The following RARB variants were observed in gnomAD, a reference collection of about 807,000 sequenced individuals.
RARB encodes retinoic acid receptor beta.
A neutral mutation model predicts 51.9 loss-of-function variants in RARB; 17 were observed. The ratio of observed to expected loss-of-function variants is 0.33; its 90% CI spans 0.22 to 0.49. The LOEUF (loss-of-function observed/expected upper bound fraction) is 0.49. RARB is among the 20% of genes least tolerant of loss of function. RARB has a pLI of 0.99. For synonymous variants in RARB, 215 were observed against 195.4 expected (o/e 1.10, Z -0.84); for missense variants, 369 against 550.8 (o/e 0.67, Z 3.30).
intron 2 of RARB, among the ~76,000 whole-genome samples, chr3:24,948,535 G>T (rs1377591989): frequency 6.6e-6 from 1 of 152,130 alleles, no homozygotes; most frequent in African/African-American, 2.4e-5. Flanking sequence ...AATTGAAGAG[G>T]TAAAAATATT....
At chr3:25,253,531 G>T (rs981655620) in intron 5 of RARB, among the ~76,000 whole-genome samples, 2 of 152,088 alleles carry the variant, frequency 1.3e-5, no homozygotes, top group South Asian at 4.1e-4. Flanking sequence ...AGGGTCCCCA[G>T]ACATAATTTA....
chr3:24,974,526 G>T (rs1375787497), intron 2 of RARB, among the ~76,000 whole-genome samples: 1 of 151,788 alleles, frequency 6.6e-6, no homozygotes, highest in African/African-American at 2.4e-5. Context: ...ACTCAGCATA[G>T]GCCTCTGAAA....
chr3:25,389,505 G>A (rs768610436), intron 5 of RARB, among the ~76,000 whole-genome samples: 16 of 152,178 alleles, frequency 1.1e-4, no homozygotes, highest in Non-Finnish European at 2.2e-4. Flanking sequence ...ACTCAGCGGT[G>A]TTGCTGTGAC....
chr3:25,440,232 A>C (rs770599567), intron 1 of RARB, among the ~76,000 whole-genome samples: 1 of 152,086 alleles, frequency 6.6e-6, no homozygotes, highest in Non-Finnish European at 1.5e-5. Context: ...CAGGCAGATC[A>C]CTTGAGCCTA....
chr3:25,128,586 T>C (rs2125331982), intron 3 of RARB, among the ~76,000 whole-genome samples: 1 of 151,806 alleles, frequency 6.6e-6, no homozygotes, highest in African/African-American at 2.4e-5. Context: ...TTGCAATCCA[T>C]GTAATTTGTG....
At chr3:25,350,038 G>C (rs1705512850) in intron 5 of RARB, among the ~76,000 whole-genome samples, 1 of 152,102 alleles carries the variant, frequency 6.6e-6, no homozygotes, top group Non-Finnish European at 1.5e-5. Context: ...GTTGGTCTCG[G>C]GGTAGTAGGG....
intron 5 of RARB, among the ~76,000 whole-genome samples, chr3:25,357,602 A>T (rs1705784688): frequency 6.6e-6 from 1 of 152,158 alleles, no homozygotes; most frequent in Non-Finnish European, 1.5e-5. Context: ...TATGTCCTGA[A>T]TGGTGTTGCC....
chr3:25,150,444 G>A lies in RARB; in HGVS notation c.-280+18236G>A, dbSNP rs556968148. ...GCCAGTGAAAAAGGCCAGTTGTTTGGTTTCTCATGGTCTGAGTGCTTTGGG... is the reference window on the plus strand; with the variant it reads ...GCCAGTGAAAAAGGCCAGTTGTTTGATTTCTCATGGTCTGAGTGCTTTGGG... On this transcript the variant is annotated intron_variant, in intron 4 of 11. Coordinates refer to the RARB transcript ENST00000383772. Among the ~76,000 whole-genome samples the A allele has an allele frequency of 2.0e-5, 3 of 152,252 alleles. No homozygotes were observed. The South Asian group carries it at 6.2e-4, about 32-fold the overall frequency.
intron 2 of RARB, among the ~76,000 whole-genome samples, chr3:24,868,730 T>C (rs1702895313): frequency 6.6e-6 from 1 of 152,192 alleles, no homozygotes; most frequent in Admixed American, 6.5e-5. Flanking sequence ...TGATAAAACC[T>C]TGGTCTCCAC....
At chr3:25,151,869 T>C (rs1700292732) in intron 4 of RARB, among the ~76,000 whole-genome samples, 1 of 152,214 alleles carries the variant, frequency 6.6e-6, no homozygotes, top group Non-Finnish European at 1.5e-5. Context: ...TTTCTTCACT[T>C]CAGCTACTGT....
intron 4 of RARB, among the ~76,000 whole-genome samples, chr3:25,173,464 T>A (rs1234756481): frequency 6.6e-6 from 1 of 152,142 alleles, no homozygotes; most frequent in African/African-American, 2.4e-5. Flanking sequence ...TTGTGAAAGA[T>A]GTTGATAATA....
intron 5 of RARB, among the ~76,000 whole-genome samples, chr3:25,366,528 A>G (rs1237195594): frequency 6.6e-6 from 1 of 151,962 alleles, no homozygotes; most frequent in Non-Finnish European, 1.5e-5. Flanking sequence ...AGATTCCTAG[A>G]AAACTGATGA....
intron 3 of RARB, among the ~76,000 whole-genome samples, chr3:25,081,312 G>A (rs980221532): frequency 2.6e-5 from 4 of 151,596 alleles, no homozygotes; most frequent in African/African-American, 7.3e-5. Flanking sequence ...ATTTATTAAG[G>A]TTTTTGTTTT....
rs144263953 is a variant in RARB, at chr3:25,413,963, C to T, written c.179-47230C>T. ...TAAAATGTGTAAGTTTTGATGCGCA[C>T]GTATACCTGTGAAACCATTACCATA... On this transcript the variant is annotated intron_variant, in intron 5 of 11. Coordinates refer to the RARB transcript ENST00000383772. 2.9e-3 allele frequency among the ~76,000 whole-genome samples: 436 copies of T among 152,252 alleles called. 2 individuals are homozygous for T. The highest frequency in any genetic ancestry group is 8.9e-3 in the African/African-American group (370 of 41,532).
chr3:25,280,740 G>T (rs903413506), intron 5 of RARB, among the ~76,000 whole-genome samples: 1 of 152,040 alleles, frequency 6.6e-6, no homozygotes, highest in Non-Finnish European at 1.5e-5. Context: ...TTCACCTTCC[G>T]TTGTATTCTT....
chr3:24,888,499 A>G (rs6804057), intron 2 of RARB, among the ~76,000 whole-genome samples: 29,223 of 151,954 alleles, frequency 0.19, 3,711 homozygotes, highest in African/African-American at 0.36. Flanking sequence ...ATGATCATGC[A>G]TAGAAGTTAA....
At position 25,058,588 on chromosome 3, in the gene RARB, T is replaced by C. The variant is rs374516380; in HGVS notation, c.-379-1537T>C. Among the ~76,000 whole-genome samples the C allele has an allele frequency of 1.5e-4, 23 of 151,662 alleles. No individual in the cohort carries two copies. In the South Asian group the frequency reaches 4.8e-3, roughly 32 times the overall value. ...GTTATTACAACTTATTAAAATAAAA[T>C]CTTTGAAATTAAAAAAATCCAGTGT... On this transcript the variant is annotated intron_variant, in intron 2 of 11. Transcript: ENST00000383772.
At chr3:25,590,650 G>C (rs1434756486) in intron 5 of RARB, among the ~76,000 whole-genome samples, 2 of 152,146 alleles carry the variant, frequency 1.3e-5, no homozygotes, top group African/African-American at 4.8e-5. Context: ...CTGCCCAGCA[G>C]ATGGGACTAC....
intron 5 of RARB, among the ~76,000 whole-genome samples, chr3:25,350,411 G>A (rs1165063184): frequency 6.6e-6 from 1 of 152,186 alleles, no homozygotes; most frequent in Non-Finnish European, 1.5e-5. Context: ...GGGAATAGTG[G>A]CTTTGACTTT....
Sources: allele counts gnomAD v4.1 joint callset (sites outside exome capture counted in the v4.1 genomes callset), GRCh38; gene constraint gnomAD v4.1.1; transcripts MANE v1.5; gene names NCBI Gene and HGNC (gene_info 2026-07-23, HGNC 2026-07-21).